CHN1: variants seen among roughly 807,000 people sequenced by gnomAD.
The protein encoded by CHN1 is N-chimaerin.
Under a neutral mutation model 59.5 loss-of-function variants are expected in CHN1, and 37 were observed. That is an observed-to-expected ratio of 0.62 (90% CI 0.48 to 0.82). CHN1 has a LOEUF of 0.82. Among genes scored for constraint, CHN1 ranks in the 40% least tolerant of loss-of-function variants. The pLI is 0.00. For missense variants in CHN1, 469 were observed against 571.0 expected, an observed-to-expected ratio of 0.82 and a Z score of 1.82; for synonymous variants, 206 against 200.4, an observed-to-expected ratio of 1.03 and a Z score of -0.24.
At chr2:174,874,745 C>G (rs937475782) in intron 6 of CHN1, among the ~76,000 whole-genome samples, 1 of 151,888 alleles carries the variant, frequency 6.6e-6, no homozygotes, top group African/African-American at 2.4e-5. Context: ...CAAAAATGTT[C>G]TTAATAATGG....
chr2:174,817,637 TC>T (rs1558936342), intron 8 of CHN1, among the ~76,000 whole-genome samples: 2 of 149,402 alleles, frequency 1.3e-5, no homozygotes, highest in African/African-American at 2.5e-5. Context: ...GATTTTTTTT[TC>T]TTTTTTTTTT....
At chr2:174,811,429 C>CA (rs973994861) in intron 10 of CHN1, 82 bp downstream of exon 10, 2 of 897,302 alleles carry the variant, frequency 2.2e-6, no homozygotes, top group Admixed American at 2.7e-5. Flanking sequence ...AAAAATAATG[C>CA]AAAAAATACC....
At chr2:174,893,258 T>C (rs1345168023) in intron 5 of CHN1, among the ~76,000 whole-genome samples, 1 of 152,078 alleles carries the variant, frequency 6.6e-6, no homozygotes, top group African/African-American at 2.4e-5. Flanking sequence ...AACCAATAAA[T>C]GAATTTAGTA....
rs71407154 is a variant in CHN1 at position 174,840,161 on chromosome 2, C to CTTTTTT, written c.627+6713_627+6718dup. Reference sequence around the variant, plus strand: ...GCCAGTGTTTATGCATAAAACCATTCTTTTTTTTTTTTTTTTTTTTTTTTT... The same window carrying CTTTTTT: ...GCCAGTGTTTATGCATAAAACCATTCTTTTTTTTTTTTTTTTTTTTTTTTTTTTTTT... On this transcript the variant is annotated intron_variant, in intron 7 of 12. Coordinates refer to ENST00000409900, the MANE Select transcript of CHN1 (RefSeq NM_001822.7). Among the ~76,000 whole-genome samples, 376 of 67,382 alleles carry CTTTTTT rather than the reference C, an allele frequency of 5.6e-3. 12 individuals carry two copies. The highest frequency in any genetic ancestry group is 6.8e-3 in the Non-Finnish European group (256 of 37,434). The allele number at this position is 67,382 out of a possible 152,430, so 44.2% of individuals were successfully genotyped here.
chr2:174,984,420 G>C (rs1691269715), intron 1 of CHN1, among the ~76,000 whole-genome samples: 2 of 143,056 alleles, frequency 1.4e-5, no homozygotes, highest in African/African-American at 5.3e-5. Flanking sequence ...CCAGGCTAGA[G>C]TGCAGTGGCG....
At chr2:174,831,852 C>T (rs1037830009) in intron 7 of CHN1, among the ~76,000 whole-genome samples, 1 of 152,104 alleles carries the variant, frequency 6.6e-6, no homozygotes, top group African/African-American at 2.4e-5. Context: ...AAAATCAACA[C>T]TTTGAAATAC....
intron 7 of CHN1, among the ~76,000 whole-genome samples, chr2:174,838,631 AGG>A (rs1296508864): frequency 1.3e-5 from 2 of 152,180 alleles, no homozygotes; most frequent in Non-Finnish European, 1.5e-5. Flanking sequence ...GATTACGAGA[AGG>A]GGCTTTAGAG....
chr2:174,902,922 T>C (rs1232900683), intron 5 of CHN1, among the ~76,000 whole-genome samples: 1 of 152,204 alleles, frequency 6.6e-6, no homozygotes, highest in Admixed American at 6.5e-5. Flanking sequence ...GAGATTCAAT[T>C]AGGAATTGTT....
intron 1 of CHN1, among the ~76,000 whole-genome samples, chr2:174,976,929 G>A (rs576261368): frequency 2.0e-5 from 3 of 152,130 alleles, no homozygotes; most frequent in African/African-American, 7.2e-5. Context: ...AAAAAATACT[G>A]TCAATGGTCC....
chr2:174,941,168 T>C (rs902009300), intron 3 of CHN1, among the ~76,000 whole-genome samples: 2 of 152,178 alleles, frequency 1.3e-5, no homozygotes, highest in African/African-American at 4.8e-5. Flanking sequence ...TCCTGTGCCT[T>C]TTTGACATGT....
At chr2:174,856,877 C>G (rs930981534) in intron 6 of CHN1, among the ~76,000 whole-genome samples, 1 of 152,134 alleles carries the variant, frequency 6.6e-6, no homozygotes. Flanking sequence ...TCAAGTGGGT[C>G]TTCAGAAGGT....
chr2:174,914,384 CA>C (rs1178769039), intron 5 of CHN1, among the ~76,000 whole-genome samples: 9 of 152,108 alleles, frequency 5.9e-5, no homozygotes, highest in African/African-American at 2.2e-4. Context: ...CTGTTCCAAC[CA>C]AAAGCCAACC....
chr2:174,978,892 G>A (rs1691042545), intron 1 of CHN1, among the ~76,000 whole-genome samples: 1 of 152,122 alleles, frequency 6.6e-6, no homozygotes, highest in South Asian at 2.1e-4. Context: ...TGACTGAAGA[G>A]AAAACAAATC....
chr2:174,873,020 CT>C (rs11453791), intron 6 of CHN1, among the ~76,000 whole-genome samples: 155 of 147,564 alleles, frequency 1.1e-3, no homozygotes, highest in Middle Eastern at 3.5e-3. Flanking sequence ...CTAATATATA[CT>C]TTTTTTTTTT....
chr2:174,842,024 A>C (rs999113597), intron 7 of CHN1, among the ~76,000 whole-genome samples: 5 of 152,242 alleles, frequency 3.3e-5, no homozygotes, highest in African/African-American at 9.6e-5. Flanking sequence ...AAAAGAAAAC[A>C]TTGTAACAAT....
chr2:174,994,686 A>G (rs1289121868), intron 1 of CHN1, among the ~76,000 whole-genome samples: 1 of 152,194 alleles, frequency 6.6e-6, no homozygotes, highest in Non-Finnish European at 1.5e-5. Flanking sequence ...TGAGTTTTGC[A>G]AGATGTGTAG....
intron 1 of CHN1, among the ~76,000 whole-genome samples, chr2:174,998,040 T>C (rs212338): frequency 0.026 from 3,717 of 142,078 alleles, 143 homozygotes; most frequent in African/African-American, 0.092. Flanking sequence ...CAGTGGTCCA[T>C]GTCTATAATC....
chr2:174,832,499 T>A (rs767552613), intron 7 of CHN1, among the ~76,000 whole-genome samples: 2 of 152,122 alleles, frequency 1.3e-5, no homozygotes, highest in Non-Finnish European at 2.9e-5. Context: ...AATTTTGATA[T>A]GTTTTATTTT....
intron 5 of CHN1, among the ~76,000 whole-genome samples, chr2:174,901,990 C>A (rs1275515824): frequency 6.6e-6 from 1 of 151,970 alleles, no homozygotes; most frequent in Non-Finnish European, 1.5e-5. Context: ...AAAAGCATAC[C>A]ATAATATAGT....
Sources: allele counts gnomAD v4.1 joint callset (sites outside exome capture counted in the v4.1 genomes callset), GRCh38; gene constraint gnomAD v4.1.1; transcripts MANE v1.5; gene names NCBI Gene and HGNC (gene_info 2026-07-23, HGNC 2026-07-21).